GPC5: variants seen among roughly 807,000 people sequenced by gnomAD.
GPC5 encodes glypican 5, also known as glypican-5.
Under a neutral mutation model 53.9 loss-of-function variants are expected in GPC5, and 47 were observed. The observed-to-expected ratio is 0.87, with a 90% CI of 0.69 to 1.11. The LOEUF (loss-of-function observed/expected upper bound fraction) is 1.11. Ranked by LOEUF, GPC5 falls within the 50% of genes most tolerant of loss-of-function variation. GPC5 has a pLI of 0.00. For synonymous variants in GPC5, 286 were observed against 263.3 expected, an observed-to-expected ratio of 1.09 and a Z score of -0.84; for missense variants, 748 against 713.1, an observed-to-expected ratio of 1.05 and a Z score of -0.56.
At chr13:91,434,949 A>G (rs1159207135) in intron 1 of GPC5, among the ~76,000 whole-genome samples, 1 of 152,174 alleles carries the variant, frequency 6.6e-6, no homozygotes, top group African/African-American at 2.4e-5. Context: ...CTTTGAAGCA[A>G]TTGTGAATGG....
At chr13:91,845,696 A>G (rs1344516781) in intron 5 of GPC5, among the ~76,000 whole-genome samples, 1 of 152,168 alleles carries the variant, frequency 6.6e-6, no homozygotes, top group Non-Finnish European at 1.5e-5. Context: ...CCTCAACAGT[A>G]CCAAGCAGTA....
At chr13:92,696,246 A>G (rs184602923) in intron 7 of GPC5, among the ~76,000 whole-genome samples, 195 of 152,260 alleles carry the variant, frequency 1.3e-3, no homozygotes, top group African/African-American at 4.5e-3. Context: ...TGGCATTTCT[A>G]GTTCTAGATC....
chr13:92,448,004 A>G (rs1466509997), intron 7 of GPC5: 3 of 152,094 alleles, frequency 2.0e-5, no homozygotes, highest in Non-Finnish European at 4.4e-5. Flanking sequence ...CCAAATTAAA[A>G]TCTATTTCCA....
chr13:92,033,549 A>G (rs1457352330), intron 6 of GPC5, among the ~76,000 whole-genome samples: 1 of 152,214 alleles, frequency 6.6e-6, no homozygotes, highest in East Asian at 1.9e-4. Context: ...TTGAAAAATT[A>G]TGTACTGTAC....
chr13:92,413,065 A>G (rs573499071), intron 7 of GPC5, among the ~76,000 whole-genome samples: 1 of 152,336 alleles, frequency 6.6e-6, no homozygotes, highest in South Asian at 2.1e-4. Context: ...TTCTCAAAGC[A>G]ACCCACTGAA....
At chr13:91,474,710 A>G (rs1024861444) in intron 2 of GPC5, among the ~76,000 whole-genome samples, 2 of 152,170 alleles carry the variant, frequency 1.3e-5, no homozygotes, top group African/African-American at 4.8e-5. Context: ...TAGCATTGGT[A>G]TATTAGTGGG....
At chr13:92,556,029 G>T (rs1882482821) in intron 7 of GPC5, among the ~76,000 whole-genome samples, 1 of 151,482 alleles carries the variant, frequency 6.6e-6, no homozygotes, top group African/African-American at 2.4e-5. Flanking sequence ...AACTTTATTT[G>T]ATTTTATTCA....
At chr13:91,751,912 G>T (rs1394119658) in intron 4 of GPC5, among the ~76,000 whole-genome samples, 1 of 152,166 alleles carries the variant, frequency 6.6e-6, no homozygotes, top group Non-Finnish European at 1.5e-5. Flanking sequence ...ATTCCTATAT[G>T]GGTTTGCTAG....
intron 7 of GPC5, among the ~76,000 whole-genome samples, chr13:92,616,625 C>T (rs915477662): frequency 6.6e-6 from 1 of 152,182 alleles, no homozygotes. Flanking sequence ...AATCTGGATA[C>T]ATCCAATTGC....
chr13:91,707,397 AG>A (rs2036129903), intron 3 of GPC5, among the ~76,000 whole-genome samples: 1 of 152,094 alleles, frequency 6.6e-6, no homozygotes, highest in African/African-American at 2.4e-5. Flanking sequence ...CCAAGATGGG[AG>A]GATTGCTTAA....
At chr13:91,778,176 C>T (rs1394259263) in intron 5 of GPC5, among the ~76,000 whole-genome samples, 2 of 152,072 alleles carry the variant, frequency 1.3e-5, no homozygotes, top group Non-Finnish European at 2.9e-5. Flanking sequence ...GTGAAAAAAA[C>T]TTAATAGGTG....
chr13:91,571,089 T>C (rs192402068), intron 2 of GPC5, among the ~76,000 whole-genome samples: 38 of 152,298 alleles, frequency 2.5e-4, no homozygotes, highest in African/African-American at 8.4e-4. Flanking sequence ...TTAATGCTTC[T>C]GGTCTTTGCA....
intron 6 of GPC5, among the ~76,000 whole-genome samples, chr13:91,964,618 C>T (rs2040163187): frequency 6.6e-6 from 1 of 152,138 alleles, no homozygotes; most frequent in Non-Finnish European, 1.5e-5. Context: ...ACATAGAGCG[C>T]TGATTGGTGC....
intron 2 of GPC5, among the ~76,000 whole-genome samples, chr13:91,457,840 T>C (rs1329031191): frequency 4.6e-5 from 7 of 151,774 alleles, no homozygotes; most frequent in Admixed American, 4.6e-4. Context: ...TGGTAGGAGG[T>C]CCATTCATCC....
rs1025452937 is a variant in GPC5 at position 91,758,203 on chromosome 13, C to T, written c.1280+1783C>T. Reference sequence around the variant, plus strand: ...TTGCTTTTACTGAGAGAAGTGATAGCATTCTCATACTTTGAGTTCTTAGTG... The same window carrying T: ...TTGCTTTTACTGAGAGAAGTGATAGTATTCTCATACTTTGAGTTCTTAGTG... On this transcript the variant is annotated intron_variant, in intron 5 of 7. Transcript: ENST00000377067. 5.3e-5 allele frequency among the ~76,000 whole-genome samples: 8 copies of T among 152,090 alleles called. No individual in the cohort carries two copies. In the South Asian group the frequency reaches 1.7e-3, roughly 32 times the overall value.
At chr13:91,684,981 C>G (rs1342786699) in intron 2 of GPC5, among the ~76,000 whole-genome samples, 6 of 152,172 alleles carry the variant, frequency 3.9e-5, no homozygotes, top group Non-Finnish European at 8.8e-5. Context: ...TCTGAGCCCC[C>G]TAACCACTCA....
intron 7 of GPC5, among the ~76,000 whole-genome samples, chr13:92,541,814 T>C (rs547842774): frequency 4.6e-5 from 7 of 151,944 alleles, no homozygotes; most frequent in Non-Finnish European, 8.8e-5. Flanking sequence ...AAATTAGAAA[T>C]CAAGTTTCAT....
intron 2 of GPC5, among the ~76,000 whole-genome samples, chr13:91,520,988 TCATA>T (rs1885781607): frequency 1.3e-5 from 2 of 152,274 alleles, no homozygotes; most frequent in East Asian, 3.9e-4. Context: ...TTTTAAATTC[TCATA>T]GTTACATTTC....
chr13:92,666,768 A>G (rs1180902205), intron 7 of GPC5, among the ~76,000 whole-genome samples: 2 of 152,216 alleles, frequency 1.3e-5, no homozygotes, highest in Non-Finnish European at 2.9e-5. Flanking sequence ...AGAATTACAT[A>G]TATTTCTTAA....
Sources: allele counts gnomAD v4.1 joint callset (sites outside exome capture counted in the v4.1 genomes callset), GRCh38; gene constraint gnomAD v4.1.1; transcripts MANE v1.5; gene names NCBI Gene and HGNC (gene_info 2026-07-23, HGNC 2026-07-21).